Variants in AMOTL2 observed in about 807,000 individuals in gnomAD.
The protein encoded by AMOTL2 is angiomotin like 2, also known as angiomotin-like protein 2.
Under a neutral mutation model 78.4 loss-of-function variants are expected in AMOTL2, and 33 were observed. The ratio of observed to expected loss-of-function variants is 0.42; its 90% CI spans 0.32 to 0.56. The LOEUF (loss-of-function observed/expected upper bound fraction) is 0.56. Ranked by LOEUF, AMOTL2 falls within the 20% of genes least tolerant of loss-of-function variation. AMOTL2 has a pLI of 0.12. For synonymous variants in AMOTL2, 422 were observed against 428.8 expected (o/e 0.98, Z 0.20); for missense variants, 983 against 1,030.1 (o/e 0.95, Z 0.63).
At chr3:134,371,785 C>T (rs1457015682) in intron 1 of AMOTL2, 6 of 385,084 alleles carry the variant, frequency 1.6e-5, no homozygotes, top group Non-Finnish European at 2.3e-5. Flanking sequence ...GAGCTCCTGG[C>T]ACAGTGAAAA....
intron 7 of AMOTL2, among the ~76,000 whole-genome samples, chr3:134,359,841 G>A (rs925265400): frequency 6.6e-6 from 1 of 152,204 alleles, no homozygotes; most frequent in Non-Finnish European, 1.5e-5. Flanking sequence ...GCACTCCGGA[G>A]AGGGGAGGCA....
At chr3:134,373,151 C>A (rs1015146060) in intron 1 of AMOTL2, among the ~76,000 whole-genome samples, 5 of 142,550 alleles carry the variant, frequency 3.5e-5, no homozygotes, top group African/African-American at 1.0e-4. Flanking sequence ...CCCAGTCATG[C>A]GCCCCCCACA....
intron 5 of AMOTL2, 83 bp from the exon 6 acceptor site, chr3:134,361,890 G>A: frequency 1.7e-6 from 2 of 1,188,194 alleles, no homozygotes; most frequent in Non-Finnish European, 1.2e-6. Flanking sequence ...CTGACCACTG[G>A]ATGAGCACAG....
intron 5 of AMOTL2, among the ~76,000 whole-genome samples, 155 bp from the exon 6 acceptor site, chr3:134,361,962 A>G (rs996996964): frequency 6.6e-6 from 1 of 152,218 alleles, no homozygotes; most frequent in African/African-American, 2.4e-5. Context: ...TGTTTCATGG[A>G]AGAAGAAACC....
Position 134,371,147 on chromosome 3 carries a change from G to A in AMOTL2, c.287C>T (p.Pro96Leu). The change falls in exon 2 of 10, where the codon CCA (proline) becomes CTA (leucine). Residue 96 changes from proline (P) to leucine (L), a missense_variant. By Grantham distance (98) the Pro-to-Leu change is moderately conservative. Transcript: ENST00000249883. ...LAENTLYRLC[P>L]QPSKGEELPT... Reference sequence around the variant, plus strand: ...CAGCTCCTCTCCCTTGCTGGGCTGTGGGCATAGCCGGTAGAGGGTGTTCTC... The same window carrying A: ...CAGCTCCTCTCCCTTGCTGGGCTGTAGGCATAGCCGGTAGAGGGTGTTCTC... 1.2e-6 allele frequency: 2 copies of A among 1,613,842 alleles called. No homozygotes were observed. The highest frequency in any genetic ancestry group is 1.1e-5 in the South Asian group (1 of 91,004).
At chr3:134,367,303 G>A (rs528666334) in intron 3 of AMOTL2, among the ~76,000 whole-genome samples, 194 bp downstream of exon 3, 4 of 152,128 alleles carry the variant, frequency 2.6e-5, no homozygotes, top group Non-Finnish European at 4.4e-5. Context: ...CCGGCCTCTC[G>A]GCTGTTCCCC....
At chr3:134,368,384 C>T (rs1438683265) in intron 2 of AMOTL2, among the ~76,000 whole-genome samples, 2 of 152,118 alleles carry the variant, frequency 1.3e-5, no homozygotes, top group Non-Finnish European at 2.9e-5. Flanking sequence ...CCCCCCACCC[C>T]CCACTCACCC....
At chr3:134,374,706 G>C, upstream of AMOTL2, 1 of 982,684 alleles carries the variant, frequency 1.0e-6, no homozygotes, top group Non-Finnish European at 1.2e-6. Context: ...GCGCCCTCCA[G>C]GCCGCGGTGT....
At chr3:134,374,195 C>G (rs1243546119) in intron 1 of AMOTL2, 147 bp downstream of exon 1, 1 of 977,496 alleles carries the variant, frequency 1.0e-6, no homozygotes, top group Non-Finnish European at 1.2e-6. Flanking sequence ...GCGGCTGCCT[C>G]GAAAGGGCGC....
intron 1 of AMOTL2, among the ~76,000 whole-genome samples, chr3:134,373,103 G>A (rs1203314544): frequency 1.3e-5 from 2 of 152,138 alleles, no homozygotes; most frequent in Non-Finnish European, 2.9e-5. Flanking sequence ...AGTGGGGGAT[G>A]AGTCTGGAGG....
intron 7 of AMOTL2, 44 bp from the exon 8 acceptor site, chr3:134,359,547 C>T: frequency 6.7e-7 from 1 of 1,499,284 alleles, no homozygotes; most frequent in Non-Finnish European, 9.2e-7. Context: ...ACCCACAGAT[C>T]CAACAGCCTC....
upstream of AMOTL2, chr3:134,374,918 T>C (rs2018033096): frequency 7.9e-7 from 1 of 1,271,814 alleles, no homozygotes. Flanking sequence ...TGTGTGTGTG[T>C]GTGTGTGTGC....
At position 134,357,762 on chromosome 3, in the gene AMOTL2, G is replaced by T; in HGVS notation, c.2286C>A (p.Asp762Glu). ...CSSSQRAASL[D>E]SVATSRVQDL... ...CCTGGACTCTGGATGTAGCTACAGA[G>T]TCTGGAGACAGACAAGAACACAGGC... The change falls in exon 10 of 10, where the codon GAC (aspartate) becomes GAA (glutamate). Residue 762 changes from aspartate to glutamate, a missense_variant and splice_region_variant. By Grantham distance (45) the Asp-to-Glu change is conservative. Coordinates refer to ENST00000249883, the MANE Select transcript of AMOTL2 (RefSeq NM_016201.4). The T allele has an allele frequency of 6.2e-7, 1 of 1,614,032 alleles. No individual in the cohort carries two copies. The highest frequency in any genetic ancestry group is 8.5e-7 in the Non-Finnish European group (1 of 1,179,908).
chr3:134,360,562 G>A, intron 6 of AMOTL2, 149 bp from the exon 7 acceptor site: 2 of 723,734 alleles, frequency 2.8e-6, no homozygotes, highest in South Asian at 3.7e-5. Context: ...TACCGAAATG[G>A]GGATACAGCA....
At chr3:134,371,526 A>G in intron 1 of AMOTL2, 32 bp from the exon 2 acceptor site, 1 of 1,567,788 alleles carries the variant, frequency 6.4e-7, no homozygotes, top group Non-Finnish European at 8.6e-7. Context: ...GAGAGAGAAA[A>G]GCAATCAGTG....
At chr3:134,363,027 T>C (rs906912912) in intron 5 of AMOTL2, among the ~76,000 whole-genome samples, 3 of 152,382 alleles carry the variant, frequency 2.0e-5, no homozygotes, top group African/African-American at 7.2e-5. Flanking sequence ...GAAATGTGGC[T>C]AGTAAGATGG....
Position 134,371,187 on chromosome 3 carries a change from C to T in AMOTL2, c.247G>A (p.Glu83Lys). The change falls in exon 2 of 10, where the codon GAG becomes AAG. Residue 83 changes from glutamate to lysine, a missense_variant. Physicochemically the swap from Glu to Lys is moderately conservative, Grantham distance 56. Coordinates refer to ENST00000249883, the MANE Select transcript of AMOTL2 (RefSeq NM_016201.4). ...AGGGTGTTCTCTGCCAGGTGGTTCTCACCGCCCTGGTGCTCCTGGCCCTGG... is the reference window on the plus strand; with the variant it reads ...AGGGTGTTCTCTGCCAGGTGGTTCTTACCGCCCTGGTGCTCCTGGCCCTGG... ...EPQGQEHQGGENHLAENTLYR... is the reference protein window; with the variant it reads ...EPQGQEHQGGKNHLAENTLYR... 1.2e-6 allele frequency: 2 copies of T among 1,613,858 alleles called. No individual in the cohort carries two copies. Among genetic ancestry groups the T allele is most frequent in the Non-Finnish European group, 8.5e-7 (1 of 1,179,972 alleles).
At chr3:134,369,179 G>A (rs2017740788) in intron 2 of AMOTL2, among the ~76,000 whole-genome samples, 1 of 152,114 alleles carries the variant, frequency 6.6e-6, no homozygotes, top group Non-Finnish European at 1.5e-5. Flanking sequence ...TACTACCTAA[G>A]GTGGGGCTTC....
In AMOTL2 at chr3:134,361,772, G is replaced by A. The variant is rs745559796; in HGVS notation, c.1315C>T (p.Arg439Ter). The change falls in exon 6 of 10, where the codon CGA becomes TGA. Residue 439 changes from arginine to a stop codon, truncating the protein, a stop_gained. Coordinates refer to ENST00000249883, the MANE Select transcript of AMOTL2 (RefSeq NM_016201.4). LOFTEE classifies it high-confidence loss of function. ...EQQQEQEKLE[R>*]EMALLRGAIE... ...GCGCCGCGCAGCAGTGCCATCTCTCGCTCCAGCTTCTCTTGCTCCTGCTGC... is the reference window on the plus strand; with the variant it reads ...GCGCCGCGCAGCAGTGCCATCTCTCACTCCAGCTTCTCTTGCTCCTGCTGC... 5 of 1,574,780 alleles carry A rather than the reference G, an allele frequency of 3.2e-6. No homozygotes were observed. The highest frequency in any genetic ancestry group is 1.8e-5 in the Admixed American group (1 of 55,958).
Sources: allele counts gnomAD v4.1 joint callset (sites outside exome capture counted in the v4.1 genomes callset), GRCh38; gene constraint gnomAD v4.1.1; transcripts MANE v1.5; gene names NCBI Gene and HGNC (gene_info 2026-07-23, HGNC 2026-07-21).